The following PPP6R2 variants were observed in gnomAD, a reference collection of about 807,000 sequenced individuals.
PPP6R2 encodes serine/threonine-protein phosphatase 6 regulatory subunit 2.
PPP6R2 carries 62 observed loss-of-function variants against 100.2 expected under a neutral mutation model. That is an observed-to-expected ratio of 0.62 (90% CI 0.50 to 0.76). The LOEUF is 0.76. PPP6R2 is among the 30% of genes least tolerant of loss of function. PPP6R2 has a pLI of 0.00. For synonymous variants in PPP6R2, 525 were observed against 514.7 expected (o/e 1.02, Z -0.27); for missense variants, 1,142 against 1,276.3 (o/e 0.89, Z 1.60).
At chr22:50,364,833 G>A (rs905099805) in intron 1 of PPP6R2, among the ~76,000 whole-genome samples, 1 of 152,020 alleles carries the variant, frequency 6.6e-6, no homozygotes, top group Non-Finnish European at 1.5e-5. Context: ...GTTGTATTGT[G>A]TGCGGGTCCC....
intron 19 of PPP6R2, among the ~76,000 whole-genome samples, chr22:50,439,263 G>C (rs76453420): frequency 1.3e-5 from 2 of 152,130 alleles, no homozygotes; most frequent in African/African-American, 4.8e-5. Flanking sequence ...TGAGCTCTTC[G>C]CTGACAGAGC....
In PPP6R2 at chr22:50,418,945, C is replaced by T. The variant is rs779629514; in HGVS notation, c.697C>T (p.Leu233=). ...CCAGGGCAGTCAGCTGCAAGAGGCT[C>T]TGGAGCCAGACCCGCTCCTCACAGC... ...RDQGSQLQEA[L]EPDPLLTALE... is the part of the protein sequence containing the mutation. Residue 233 remains leucine (L), a synonymous_variant, in exon 7 of 24, where the codon CTG becomes TTG. Coordinates refer to ENST00000612753, the MANE Select transcript of PPP6R2 (RefSeq NM_001242898.2). The T allele has an allele frequency of 2.5e-6, 4 of 1,613,922 alleles. No homozygotes were observed. Among genetic ancestry groups the T allele is most frequent in the South Asian group, 1.1e-5 (1 of 91,062 alleles).
At chr22:50,392,312 G>T (rs912709952) in intron 2 of PPP6R2, among the ~76,000 whole-genome samples, 56 of 150,496 alleles carry the variant, frequency 3.7e-4, no homozygotes, top group Non-Finnish European at 7.7e-4. Flanking sequence ...GGCCAACCTG[G>T]GCAACATAGT....
Position 50,416,175 on chromosome 22 carries a change from C to A in PPP6R2, c.618+18C>A. ...ATGAAGATGTGAGTGTGCTGCTTACCGAGCTTCGTGCATCAGTCCAGGCCT... is the reference window on the plus strand; with the variant it reads ...ATGAAGATGTGAGTGTGCTGCTTACAGAGCTTCGTGCATCAGTCCAGGCCT... On this transcript the variant is annotated intron_variant, in intron 6 of 23. Coordinates refer to ENST00000612753, the MANE Select transcript of PPP6R2 (RefSeq NM_001242898.2). 6.2e-7 allele frequency: 1 copy of A among 1,608,674 alleles called. No homozygotes were observed. Among genetic ancestry groups the A allele is most frequent in the Non-Finnish European group, 8.5e-7 (1 of 1,175,516 alleles).
intron 2 of PPP6R2, chr22:50,393,493 G>T (rs1326401217): frequency 7.1e-6 from 7 of 985,114 alleles, no homozygotes; most frequent in Non-Finnish European, 7.2e-6. Flanking sequence ...TACAGAGCAA[G>T]CAAGAGCATT....
At chr22:50,383,056 T>G (rs1476671016) in intron 2 of PPP6R2, among the ~76,000 whole-genome samples, 1 of 152,150 alleles carries the variant, frequency 6.6e-6, no homozygotes, top group Admixed American at 6.6e-5. Context: ...CAGGGTGGTC[T>G]CAAACTCCTG....
intron 1 of PPP6R2, among the ~76,000 whole-genome samples, chr22:50,358,602 G>A (rs939509626): frequency 6.6e-5 from 10 of 152,174 alleles, no homozygotes; most frequent in African/African-American, 2.4e-4. Flanking sequence ...AGTCAGGATA[G>A]TAAACATATT....
intron 2 of PPP6R2, 122 bp from the exon 3 acceptor site, chr22:50,393,771 C>G: frequency 6.6e-7 from 1 of 1,514,930 alleles, no homozygotes; most frequent in Non-Finnish European, 8.8e-7. Flanking sequence ...GGACTTGGGT[C>G]TAGTGTTGCT....
At chr22:50,337,375 T>TG in the PPP6R2 span, among the ~76,000 whole-genome samples, 7 of 135,992 alleles carry the variant, frequency 5.1e-5, no homozygotes, top group African/African-American at 8.4e-5. Flanking sequence ...GTGTGCTGTG[T>TG]GGGGGGTGTG....
chr22:50,440,678 T>A, intron 21 of PPP6R2, 144 bp from the exon 22 acceptor site: 2 of 921,704 alleles, frequency 2.2e-6, no homozygotes, highest in Non-Finnish European at 3.4e-6. Flanking sequence ...GTCTGCCTCA[T>A]CATGCGGCTC....
the PPP6R2 span, among the ~76,000 whole-genome samples, chr22:50,338,254 A>G: frequency 1.4e-5 from 1 of 70,972 alleles, no homozygotes; most frequent in African/African-American, 9.6e-5. Context: ...GTTTGTGTCT[A>G]TGTGTGGTGC....
chr22:50,365,494 C>T (rs376125351), intron 1 of PPP6R2, among the ~76,000 whole-genome samples: 5 of 151,894 alleles, frequency 3.3e-5, no homozygotes, highest in African/African-American at 9.6e-5. Flanking sequence ...CTGGCTAACA[C>T]GGTGAAACCT....
At chr22:50,438,058 C>A in intron 17 of PPP6R2, 116 bp from the exon 18 acceptor site, 1 of 1,507,330 alleles carries the variant, frequency 6.6e-7, no homozygotes, top group Non-Finnish European at 9.0e-7. Context: ...CCCGTCCTCC[C>A]CTCCAGCCCG....
At chr22:50,432,429 G>A (rs2063331741) in intron 12 of PPP6R2, 100 bp downstream of exon 12, 1 of 1,182,454 alleles carries the variant, frequency 8.5e-7, no homozygotes, top group South Asian at 1.3e-5. Context: ...AGGACTGCAG[G>A]ATCGGGTGGA....
intron 3 of PPP6R2, among the ~76,000 whole-genome samples, chr22:50,402,498 C>T (rs1364839054): frequency 6.6e-6 from 1 of 152,082 alleles, no homozygotes; most frequent in East Asian, 1.9e-4. Context: ...AAATCAGTGT[C>T]CAGGCCTCTC....
chr22:50,405,057 G>C (rs141288969), intron 3 of PPP6R2, among the ~76,000 whole-genome samples: 1 of 152,374 alleles, frequency 6.6e-6, no homozygotes, highest in Non-Finnish European at 1.5e-5. Flanking sequence ...TAACGTTCTT[G>C]CGTAGTGCCT....
intron 1 of PPP6R2, among the ~76,000 whole-genome samples, chr22:50,357,815 A>G (rs911040906): frequency 2.0e-5 from 3 of 151,990 alleles, no homozygotes; most frequent in Admixed American, 1.3e-4. Context: ...TAGTAGAGAC[A>G]GGGTTTCACT....
intron 2 of PPP6R2, among the ~76,000 whole-genome samples, chr22:50,373,938 T>C (rs12158890): frequency 0.3 from 46,062 of 151,964 alleles, 7,311 homozygotes; most frequent in South Asian, 0.43. Flanking sequence ...TTCACCACGT[T>C]GGTCAGGCTG....
At chr22:50,363,915 C>G (rs1292964254) in intron 1 of PPP6R2, among the ~76,000 whole-genome samples, 1 of 141,462 alleles carries the variant, frequency 7.1e-6, no homozygotes, top group Admixed American at 7.2e-5. Context: ...TTTTTTGAGA[C>G]GGAGTTTTTG....
Sources: gnomAD v4.1 joint callset for allele counts (sites outside exome capture counted in the v4.1 genomes callset) on GRCh38, gnomAD v4.1.1 for gene constraint, MANE v1.5 for transcripts, NCBI Gene and HGNC (gene_info 2026-07-23, HGNC 2026-07-21) for gene names.